ZNF16: variants seen among roughly 807,000 people sequenced by gnomAD.
ZNF16 encodes zinc finger protein 16.
In ZNF16, 7 loss-of-function variants were observed where a neutral mutation model predicts 9.0. The ratio of observed to expected loss-of-function variants is 0.78; its 90% confidence interval spans 0.44 to 1.47. The LOEUF is 1.47. ZNF16 is among the 40% of genes most tolerant of loss of function. ZNF16 has a pLI of 0.01. For missense variants in ZNF16, 830 were observed against 854.2 expected (o/e 0.97, Z 0.35); for synonymous variants, 312 against 301.5 (o/e 1.03, Z -0.36).
chr8:144,933,635 T>C lies in ZNF16; in HGVS notation c.197-1045A>G, dbSNP rs1201893344. Among the ~76,000 whole-genome samples the C allele has an allele frequency of 2.0e-5, 3 of 151,922 alleles. No individual in the cohort carries two copies. Among genetic ancestry groups the C allele is most frequent in the Admixed American group, 2.0e-4 (3 of 15,248 alleles). On this transcript the variant is annotated intron_variant, in intron 2 of 2. Transcript: ENST00000394909. The surrounding 1 kb of genome is among the most constrained non-coding windows in gnomAD (Gnocchi z 5.6). ...ACCTCCCCTCCTGCCCACAGCCTGG[T>C]GACATCAGACCCAGCACTGTCATGC... is the stretch of plus-strand genomic sequence containing the variant.
chr8:144,931,670 CTG>C lies in ZNF16; in HGVS notation c.1115_1116del (p.Thr372ArgfsTer6). 11 of 1,614,028 alleles carry C rather than the reference CTG, an allele frequency of 6.8e-6. No individual in the cohort carries two copies. The highest frequency in any genetic ancestry group is 6.8e-6 in the Non-Finnish European group (8 of 1,179,974). On this transcript the variant is annotated frameshift_variant, in exon 3 of 3. Coordinates refer to ENST00000394909, the MANE Select transcript of ZNF16 (RefSeq NM_006958.3). LOFTEE classifies it low-confidence loss of function (END_TRUNC). ...SNLIKHHRTHTGEKPFECGEC... is the reference protein window; with the variant it reads ...SNLIKHHRTHXGEKPFECGEC... ...TCGCCACACTCAAAAGGCTTCTCTC[CTG>C]TGTGAGTCCTGTGGTGTTTGATGAG...
In ZNF16 at chr8:144,932,403, C is replaced by T; in HGVS notation, c.384G>A (p.Gln128=). The change falls in exon 3 of 3, where the codon CAG becomes CAA. Residue 128 remains glutamine (Q), a synonymous_variant. Transcript: ENST00000394909. The surrounding 1 kb of genome is among the most constrained non-coding windows in gnomAD (Gnocchi z 5.0). ...TGAAGTCCCCCTCCTGGGAGAGGGA[C>T]TGTGGCAGCCTCCTGCCTTCGGGGA... The part of the protein sequence containing the change: ...WGVPEGRRLP[Q]SLSQEGDFTP... 1 of 1,614,238 alleles carries T rather than the reference C, an allele frequency of 6.2e-7. No individual in the cohort carries two copies. Among genetic ancestry groups the T allele is most frequent in the Non-Finnish European group, 8.5e-7 (1 of 1,180,040 alleles).
chr8:144,940,895 T>C (rs1833782588), intron 2 of ZNF16, among the ~76,000 whole-genome samples: 1 of 152,186 alleles, frequency 6.6e-6, no homozygotes, highest in Admixed American at 6.5e-5. Context: ...GAAAAGAAGC[T>C]AACAAGCTCC....
In ZNF16 at chr8:144,946,187, C is replaced by T. The variant is rs374625747; in HGVS notation, c.20G>A (p.Arg7His). The change falls in exon 2 of 3, where the codon CGC (arginine) becomes CAC (histidine). Residue 7 changes from arginine to histidine, a missense_variant. Transcript: ENST00000394909. ...GAGCTCCATCTCTGCCTCCTCACGG[C>T]GAGTTCTGAGGCTGGGCATGACAAG... Reference protein sequence around the residue: MPSLRTRREEAEMELSV... With the variant: MPSLRTHREEAEMELSV... 1.4e-5 allele frequency: 21 copies of T among 1,530,476 alleles called. No individual in the cohort carries two copies. The highest frequency in any genetic ancestry group is 9.2e-5 in the East Asian group (4 of 43,542). The allele number at this position is 1,530,476 out of a possible 1,614,324, so 94.8% of individuals were successfully genotyped here.
Position 144,932,377 on chromosome 8 carries a change from G to A in ZNF16, c.410C>T (p.Thr137Ile), listed in dbSNP as rs1242959477. Residue 137 changes from threonine (T) to isoleucine (I), a missense_variant, in exon 3 of 3, where the codon ACA becomes ATA. Physicochemically the swap from Thr to Ile is moderately conservative, Grantham distance 89. Coordinates refer to ENST00000394909, the MANE Select transcript of ZNF16 (RefSeq NM_006958.3). This position sits in a 1 kb window ranked among gnomAD's most constrained non-coding sequence, Gnocchi z 5.0. Reference protein sequence around the residue: ...PQSLSQEGDFTPAAMGLLRGP... With the variant: ...PQSLSQEGDFIPAAMGLLRGP... ...CCTAAGGAGCCCCATGGCAGCTGGT[G>A]TGAAGTCCCCCTCCTGGGAGAGGGA... The A allele has an allele frequency of 1.9e-6, 3 of 1,614,152 alleles. No individual in the cohort carries two copies. The highest frequency in any genetic ancestry group is 4.5e-5 in the East Asian group (2 of 44,872).
At chr8:144,939,659 T>C (rs1833759018) in intron 2 of ZNF16, among the ~76,000 whole-genome samples, 1 of 152,002 alleles carries the variant, frequency 6.6e-6, no homozygotes, top group Non-Finnish European at 1.5e-5. Context: ...TTGGGAGTTT[T>C]TATTACTAAC....
chr8:144,942,032 C>T (rs1237435867), intron 2 of ZNF16, among the ~76,000 whole-genome samples: 1 of 143,986 alleles, frequency 6.9e-6, no homozygotes, highest in Non-Finnish European at 1.5e-5. Context: ...GGCTGGAGTG[C>T]AGTGGCGCGA....
chr8:144,949,478 A>G (rs1834039624), intron 1 of ZNF16, among the ~76,000 whole-genome samples: 1 of 152,202 alleles, frequency 6.6e-6, no homozygotes, highest in Non-Finnish European at 1.5e-5. Flanking sequence ...TCAGACTGTT[A>G]CTGTGTCTGT....
intron 2 of ZNF16, among the ~76,000 whole-genome samples, chr8:144,941,975 G>C (rs1170683735): frequency 8.3e-6 from 1 of 120,854 alleles, no homozygotes; most frequent in Non-Finnish European, 1.7e-5. Context: ...CCATTTTTAA[G>C]ATTTTTTTTT....
chr8:144,937,964 G>A (rs973204154), intron 2 of ZNF16, among the ~76,000 whole-genome samples: 1 of 152,172 alleles, frequency 6.6e-6, no homozygotes, highest in East Asian at 1.9e-4. Flanking sequence ...CACCACATCC[G>A]GCCCCAACTT....
chr8:144,938,239 C>T (rs1262428484), intron 2 of ZNF16, among the ~76,000 whole-genome samples: 1 of 152,182 alleles, frequency 6.6e-6, no homozygotes, highest in Non-Finnish European at 1.5e-5. Context: ...ATTGTTTTGG[C>T]TACCCAGGGC....
intron 2 of ZNF16, chr8:144,944,935 G>A (rs1833892090): frequency 6.6e-6 from 1 of 152,176 alleles, no homozygotes; most frequent in South Asian, 2.1e-4. Flanking sequence ...AGTCTTTGTG[G>A]ATTGACTCTG....
intron 2 of ZNF16, among the ~76,000 whole-genome samples, chr8:144,943,169 C>T (rs985442066): frequency 1.3e-5 from 2 of 152,146 alleles, no homozygotes; most frequent in African/African-American, 2.4e-5. Flanking sequence ...TTAACTAAGC[C>T]GTCCCACTGC....
Position 144,949,269 on chromosome 8 carries a change from C to A in ZNF16, c.-10+1528G>T, listed in dbSNP as rs115833902. On this transcript the variant is annotated intron_variant, in intron 1 of 2. Coordinates refer to ENST00000394909, the MANE Select transcript of ZNF16 (RefSeq NM_006958.3). ...CCCTTCCCAGAGTACCTCCTCCACA[C>A]GCAGAGCGACTCCACTACTGACTGG... is the stretch of plus-strand genomic sequence containing the variant. Among the ~76,000 whole-genome samples the A allele has an allele frequency of 4.2e-3, 634 of 152,350 alleles. 5 individuals carry two copies. The highest frequency in any genetic ancestry group is 0.014 in the African/African-American group (584 of 41,588).
rs766234343 is a variant in ZNF16 at position 144,932,608 on chromosome 8, A to G, written c.197-18T>C. On this transcript the variant is annotated intron_variant, in intron 2 of 2. Transcript: ENST00000394909. The surrounding 1 kb of genome is among the most constrained non-coding windows in gnomAD (Gnocchi z 5.0). ...GTCACAATCTGAAACAATAAATAGAATATCACTTGGAAGGCAGTGCTGCAG... is the reference window on the plus strand; with the variant it reads ...GTCACAATCTGAAACAATAAATAGAGTATCACTTGGAAGGCAGTGCTGCAG... 6.2e-6 allele frequency: 10 copies of G among 1,602,128 alleles called. No homozygotes were observed. Among genetic ancestry groups the G allele is most frequent in the South Asian group, 1.1e-5 (1 of 88,728 alleles).
intron 2 of ZNF16, among the ~76,000 whole-genome samples, chr8:144,934,864 A>T: frequency 6.6e-6 from 1 of 150,648 alleles, no homozygotes; most frequent in South Asian, 2.1e-4. Context: ...TAAAACCCTT[A>T]AAAAACACCT....
Position 144,931,878 on chromosome 8 carries a change from G to C in ZNF16, c.909C>G (p.Ser303Arg), listed in dbSNP as rs767344939. ...YMCNECGKAF[S>R]QNSSLKKHQK... Reference sequence around the variant, plus strand: ...GGTGCTTTTTAAGGCTCGAGTTCTGGCTGAAGGCTTTTCCACATTCATTAC... The same window carrying C: ...GGTGCTTTTTAAGGCTCGAGTTCTGCCTGAAGGCTTTTCCACATTCATTAC... Residue 303 changes from serine to arginine, a missense_variant, in exon 3 of 3, where the codon AGC (serine) becomes AGG (arginine). Physicochemically the swap from Ser to Arg is moderately radical, Grantham distance 110. Transcript: ENST00000394909. 1 of 1,614,108 alleles carries C rather than the reference G, an allele frequency of 6.2e-7. No homozygotes were observed. The highest frequency in any genetic ancestry group is 8.5e-7 in the Non-Finnish European group (1 of 1,180,012).
Position 144,932,055 on chromosome 8 carries a change from T to C in ZNF16, c.732A>G (p.Lys244=). The part of the protein sequence containing the change: ...EASFMCDDCG[K]TFSQNSVLKN... ...TAAGAACTGAGTTCTGGCTGAAGGTTTTCCCACAATCATCACACATAAAGG... is the reference window on the plus strand; with the variant it reads ...TAAGAACTGAGTTCTGGCTGAAGGTCTTCCCACAATCATCACACATAAAGG... Residue 244 remains lysine, a synonymous_variant, in exon 3 of 3, where the codon AAA becomes AAG. Transcript: ENST00000394909. This position sits in a 1 kb window ranked among gnomAD's most constrained non-coding sequence, Gnocchi z 5.0. 2.5e-6 allele frequency: 4 copies of C among 1,614,060 alleles called. No homozygotes were observed. The highest frequency in any genetic ancestry group is 2.5e-6 in the Non-Finnish European group (3 of 1,180,020).
chr8:144,932,382 GT>G lies in ZNF16; in HGVS notation c.404del (p.Asp135AlafsTer14), dbSNP rs1438706406. On this transcript the variant is annotated frameshift_variant, in exon 3 of 3. Transcript: ENST00000394909. LOFTEE classifies it low-confidence loss of function (END_TRUNC). The surrounding 1 kb of genome is among the most constrained non-coding windows in gnomAD (Gnocchi z 5.0). ...RLPQSLSQEGDFTPAAMGLLR... is the reference protein window; with the variant it reads ...RLPQSLSQEGXFTPAAMGLLR... ...GGAGCCCCATGGCAGCTGGTGTGAAGTCCCCCTCCTGGGAGAGGGACTGTGG... is the reference window on the plus strand; with the variant it reads ...GGAGCCCCATGGCAGCTGGTGTGAAGCCCCCTCCTGGGAGAGGGACTGTGG... The G allele has an allele frequency of 6.2e-7, 1 of 1,614,038 alleles. No individual in the cohort carries two copies. The highest frequency in any genetic ancestry group is 8.5e-7 in the Non-Finnish European group (1 of 1,180,028).
Sources: gnomAD v4.1 joint callset for allele counts (sites outside exome capture counted in the v4.1 genomes callset) on GRCh38, gnomAD v4.1.1 for gene constraint, Gnocchi (gnomAD v3.1) non-coding constraint, MANE v1.5 for transcripts, NCBI Gene and HGNC (gene_info 2026-07-23, HGNC 2026-07-21) for gene names.